The following CLYBL variants were observed in gnomAD, a reference collection of about 807,000 sequenced individuals.
CLYBL encodes the protein citramalyl-CoA lyase, also known as citramalyl-CoA lyase, mitochondrial.
In CLYBL, 31 loss-of-function variants were observed where a neutral mutation model predicts 38.9. The observed-to-expected ratio is 0.80, with a 90% CI of 0.60 to 1.08. The LOEUF is 1.08. CLYBL is among the 50% of genes least tolerant of loss of function. CLYBL has a pLI of 0.00. For missense variants in CLYBL, 434 were observed against 411.6 expected (o/e 1.05, Z -0.47); for synonymous variants, 171 against 158.6 (o/e 1.08, Z -0.59).
intron 1 of CLYBL, among the ~76,000 whole-genome samples, chr13:99,747,776 C>G (rs150857485): frequency 1.3e-4 from 20 of 152,190 alleles, no homozygotes; most frequent in African/African-American, 4.8e-4. Flanking sequence ...TTTGTACAGC[C>G]TACCTTAGGA....
intron 1 of CLYBL, among the ~76,000 whole-genome samples, chr13:99,771,373 C>T (rs1356721165): frequency 6.6e-6 from 1 of 152,154 alleles, no homozygotes; most frequent in Non-Finnish European, 1.5e-5. Context: ...GTCTTCATGA[C>T]ATAGAACTTC....
intron 1 of CLYBL, among the ~76,000 whole-genome samples, chr13:99,755,630 C>A (rs1481438788): frequency 6.6e-6 from 1 of 152,216 alleles, no homozygotes; most frequent in Non-Finnish European, 1.5e-5. Context: ...GAATGGATAG[C>A]ATGCCACTGT....
At chr13:99,880,068 A>ATATATATTTTTTT (rs34063235) in intron 7 of CLYBL, among the ~76,000 whole-genome samples, 2 of 101,210 alleles carry the variant, frequency 2.0e-5, no homozygotes, top group African/African-American at 8.1e-5. Flanking sequence ...ATATATATAT[A>ATATATATTTTTTT]TTTTTTTTTT....
downstream of CLYBL, among the ~76,000 whole-genome samples, chr13:99,897,583 CA>C (rs1414721825): frequency 6.6e-6 from 1 of 152,156 alleles, no homozygotes; most frequent in African/African-American, 2.4e-5. Flanking sequence ...GGAGGAATCC[CA>C]AAACTGTGTG....
At chr13:99,781,666 G>C (rs1432961061) in intron 2 of CLYBL, among the ~76,000 whole-genome samples, 1 of 151,660 alleles carries the variant, frequency 6.6e-6, no homozygotes, top group Non-Finnish European at 1.5e-5. Context: ...TAGTAGAGAT[G>C]GGGGTTTCAT....
At chr13:99,752,937 A>G (rs2048984159) in intron 1 of CLYBL, among the ~76,000 whole-genome samples, 1 of 151,486 alleles carries the variant, frequency 6.6e-6, no homozygotes, top group African/African-American at 2.4e-5. Flanking sequence ...AACAAAGCCA[A>G]TAATTCATTT....
At chr13:99,795,905 T>G (rs944880166) in intron 2 of CLYBL, among the ~76,000 whole-genome samples, 1 of 152,170 alleles carries the variant, frequency 6.6e-6, no homozygotes, top group Non-Finnish European at 1.5e-5. Context: ...AGGGGAAGGC[T>G]GATAACCTGG....
At chr13:99,841,703 C>A (rs1166701147) in intron 2 of CLYBL, among the ~76,000 whole-genome samples, 1 of 151,846 alleles carries the variant, frequency 6.6e-6, no homozygotes, top group East Asian at 1.9e-4. Context: ...CCCGGCCACA[C>A]ACATTACTTT....
intron 2 of CLYBL, among the ~76,000 whole-genome samples, chr13:99,838,216 C>G (rs1257428711): frequency 6.6e-6 from 1 of 152,024 alleles, no homozygotes; most frequent in Non-Finnish European, 1.5e-5. Flanking sequence ...AAGGGATACT[C>G]AAAACATTAG....
At chr13:99,816,661 G>T (rs923123114) in intron 2 of CLYBL, among the ~76,000 whole-genome samples, 3 of 152,196 alleles carry the variant, frequency 2.0e-5, no homozygotes, top group African/African-American at 7.2e-5. Flanking sequence ...TTGCCCCTTG[G>T]GCCCTGGGTG....
chr13:99,835,838 A>T (rs1758658136), intron 2 of CLYBL, among the ~76,000 whole-genome samples: 1 of 152,160 alleles, frequency 6.6e-6, no homozygotes, highest in South Asian at 2.1e-4. Flanking sequence ...AGACTTGAGG[A>T]TGCTGTGAAG....
At chr13:99,694,662 C>T (rs150530471) in intron 1 of CLYBL, among the ~76,000 whole-genome samples, 1 of 152,264 alleles carries the variant, frequency 6.6e-6, no homozygotes, top group East Asian at 1.9e-4. Context: ...AACCGAGGAG[C>T]ACGTCTAAAT....
chr13:99,791,027 C>T (rs1003803645), intron 2 of CLYBL, among the ~76,000 whole-genome samples: 1 of 151,976 alleles, frequency 6.6e-6, no homozygotes. Context: ...GGAGTCTAAA[C>T]CAAAGAATTG....
At chr13:99,775,834 AC>A (rs1256618574) in intron 2 of CLYBL, among the ~76,000 whole-genome samples, 5 of 151,966 alleles carry the variant, frequency 3.3e-5, no homozygotes, top group African/African-American at 1.2e-4. Flanking sequence ...ATCCATAGAA[AC>A]TTCTGGAAAG....
At chr13:99,856,223 AG>A (rs1188799279) in intron 2 of CLYBL, among the ~76,000 whole-genome samples, 4 of 152,220 alleles carry the variant, frequency 2.6e-5, no homozygotes, top group Non-Finnish European at 5.9e-5. Flanking sequence ...TGAACAAACA[AG>A]TCCCTTCAAA....
At chr13:99,790,081 T>C (rs6491531) in intron 2 of CLYBL, among the ~76,000 whole-genome samples, 121,469 of 151,514 alleles carry the variant, frequency 0.8, 49,524 homozygotes, top group African/African-American at 0.95. Context: ...TATTTTGAGC[T>C]TATGTGTGTC....
At chr13:99,837,762 AC>A (rs1008662134) in intron 2 of CLYBL, among the ~76,000 whole-genome samples, 2 of 152,012 alleles carry the variant, frequency 1.3e-5, no homozygotes, top group African/African-American at 4.8e-5. Flanking sequence ...CAGCTTTTCA[AC>A]CCTGGCCGTC....
At chr13:99,713,885 C>T (rs1381362207) in intron 1 of CLYBL, among the ~76,000 whole-genome samples, 1 of 151,952 alleles carries the variant, frequency 6.6e-6, no homozygotes, top group South Asian at 2.1e-4. Context: ...GACAGGGTTT[C>T]GCTATGTGCC....
At chr13:99,703,731 A>G (rs1215802512) in intron 1 of CLYBL, among the ~76,000 whole-genome samples, 1 of 151,898 alleles carries the variant, frequency 6.6e-6, no homozygotes, top group Non-Finnish European at 1.5e-5. Flanking sequence ...GATTATCTAT[A>G]TTTTTTCCTT....
Sources: allele counts gnomAD v4.1 joint callset (sites outside exome capture counted in the v4.1 genomes callset), GRCh38; gene constraint gnomAD v4.1.1; transcripts MANE v1.5; gene names NCBI Gene and HGNC (gene_info 2026-07-23, HGNC 2026-07-21).